The following KLHL5 variants were observed in gnomAD, a reference collection of about 807,000 sequenced individuals.
The protein encoded by KLHL5 is kelch like family member 5.
In KLHL5, 48 loss-of-function variants were observed where a neutral mutation model predicts 77.7. That is an observed-to-expected ratio of 0.62 (90% confidence interval 0.49 to 0.79). KLHL5 has a LOEUF of 0.79. Among genes scored for constraint, KLHL5 ranks in the 30% least tolerant of loss-of-function variants. The pLI is 0.00. For missense variants in KLHL5, 723 were observed against 859.7 expected (o/e 0.84, Z 1.99); for synonymous variants, 260 against 297.0 (o/e 0.88, Z 1.28).
the KLHL5 span, chr4:39,134,181 G>A: frequency 1.3e-5 from 2 of 152,222 alleles, no homozygotes; most frequent in Non-Finnish European, 2.9e-5. Flanking sequence ...CTCTGAGAAA[G>A]TTTTCTCTGG....
rs1723392198 is a variant in KLHL5 at position 39,124,269 on chromosome 4, T to C, written c.*3203T>C. On this transcript the variant is annotated 3_prime_UTR_variant, in exon 11 of 11. Transcript: ENST00000504108. ...TCTATAGATTTAATACAATCCCCAT[T>C]AAAATTCCAGTGACCCTTTTACAGA... Among the ~76,000 whole-genome samples the C allele has an allele frequency of 6.6e-6, 1 of 152,160 alleles. No individual in the cohort carries two copies. The highest frequency in any genetic ancestry group is 6.5e-5 in the Admixed American group (1 of 15,274).
At chr4:39,061,485 T>A (rs1313523626), upstream of KLHL5, among the ~76,000 whole-genome samples, 1 of 152,204 alleles carries the variant, frequency 6.6e-6, no homozygotes, top group Non-Finnish European at 1.5e-5. Flanking sequence ...ATTTTGGGGG[T>A]TAGGAACCAA....
chr4:39,107,687 G>A lies in KLHL5; in HGVS notation c.1644G>A (p.Met548Ile), dbSNP rs372279307. 51 of 1,612,800 alleles carry A rather than the reference G, an allele frequency of 3.2e-5. No homozygotes were observed. Among genetic ancestry groups the A allele is most frequent in the Non-Finnish European group, 4.2e-5 (49 of 1,179,204 alleles). Residue 548 changes from methionine (M) to isoleucine (I), a missense_variant, in exon 8 of 11, where the codon ATG becomes ATA. Met to Ile is a conservative substitution (Grantham distance 10). Transcript: ENST00000504108. ...QARQWNFVAT[M>I]STPRSTVGVA... is the part of the protein sequence containing the mutation. ...GCCAGTGGAATTTTGTTGCCACTAT[G>A]TCTACCCCTAGGAGTACAGTAGGTG...
chr4:39,104,556 G>A (rs1007873682), intron 7 of KLHL5, among the ~76,000 whole-genome samples: 1 of 152,192 alleles, frequency 6.6e-6, no homozygotes, highest in African/African-American at 2.4e-5. Context: ...GTTTCGTGCA[G>A]ATGACATTGT....
chr4:39,044,963 G>A (rs769307174), upstream of KLHL5: 1 of 833,428 alleles, frequency 1.2e-6, no homozygotes, highest in African/African-American at 6.3e-5. Flanking sequence ...GAGGCTGCCC[G>A]GACAGGGTCT....
At chr4:39,076,492 A>T (rs1719055910) in intron 2 of KLHL5, among the ~76,000 whole-genome samples, 1 of 152,204 alleles carries the variant, frequency 6.6e-6, no homozygotes, top group Non-Finnish European at 1.5e-5. Context: ...TATTTAGAAG[A>T]AGAAAAGCTG....
At chr4:39,065,597 G>A (rs1000863863) in intron 1 of KLHL5, among the ~76,000 whole-genome samples, 8 of 151,940 alleles carry the variant, frequency 5.3e-5, no homozygotes, top group Non-Finnish European at 1.0e-4. Flanking sequence ...CAAGTGATCC[G>A]CCCACGTCCG....
chr4:39,076,127 T>C lies in KLHL5; in HGVS notation c.546T>C (p.Asp182=), dbSNP rs1719012722. The C allele has an allele frequency of 6.2e-7, 1 of 1,604,124 alleles. No homozygotes were observed. Among genetic ancestry groups the C allele is most frequent in the African/African-American group, 1.3e-5 (1 of 74,262 alleles). ...QLCDVILVAG[D]RRIPAHRLVL... ...GTGATGTAATTTTAGTCGCTGGTGA[T>C]CGCAGAATTCCAGCTCACAGGTAGT... The change falls in exon 2 of 11, where the codon GAT becomes GAC. Residue 182 remains aspartate (D), a synonymous_variant. Transcript: ENST00000504108.
intron 4 of KLHL5, among the ~76,000 whole-genome samples, 182 bp downstream of exon 4, chr4:39,082,341 G>T (rs570560910): frequency 6.6e-6 from 1 of 152,140 alleles, no homozygotes; most frequent in Admixed American, 6.6e-5. Context: ...AATACTTCTC[G>T]TGGGTATCTG....
At chr4:39,058,156 G>T (rs1364300156), upstream of KLHL5, among the ~76,000 whole-genome samples, 2 of 152,014 alleles carry the variant, frequency 1.3e-5, no homozygotes, top group Admixed American at 6.6e-5. Flanking sequence ...ATAAAGCAAG[G>T]TTATAAAATT....
chr4:39,110,477 G>T (rs978642882), intron 8 of KLHL5, among the ~76,000 whole-genome samples: 1 of 151,846 alleles, frequency 6.6e-6, no homozygotes, highest in African/African-American at 2.4e-5. Flanking sequence ...TTTTACTTTT[G>T]AGACAGGGTC....
At chr4:39,088,427 T>C (rs1720240122) in intron 5 of KLHL5, among the ~76,000 whole-genome samples, 1 of 152,170 alleles carries the variant, frequency 6.6e-6, no homozygotes, top group Admixed American at 6.5e-5. Context: ...TCTTTCTGCA[T>C]TGTAGTTTTA....
intron 5 of KLHL5, among the ~76,000 whole-genome samples, chr4:39,087,241 A>G (rs975657213): frequency 6.6e-6 from 1 of 152,160 alleles, no homozygotes; most frequent in African/African-American, 2.4e-5. Flanking sequence ...ATTTTGGGTT[A>G]GTAACTTAAT....
the KLHL5 span, among the ~76,000 whole-genome samples, chr4:39,138,695 A>G: frequency 4.6e-5 from 7 of 152,038 alleles, no homozygotes. Flanking sequence ...TGTACAAGAA[A>G]CCTCCATGAC....
intron 8 of KLHL5, among the ~76,000 whole-genome samples, chr4:39,108,855 C>T (rs1033723879): frequency 4.6e-5 from 7 of 152,238 alleles, no homozygotes; most frequent in South Asian, 4.1e-4. Context: ...TATTTCTTAG[C>T]CCTTATTTCT....
intron 1 of KLHL5, among the ~76,000 whole-genome samples, chr4:39,066,676 T>C (rs896370616): frequency 2.0e-5 from 3 of 152,188 alleles, no homozygotes; most frequent in African/African-American, 7.2e-5. Flanking sequence ...CCATCATAAG[T>C]TAAGGAGCAT....
At chr4:39,092,105 T>C (rs950213021) in intron 5 of KLHL5, among the ~76,000 whole-genome samples, 9 of 152,238 alleles carry the variant, frequency 5.9e-5, no homozygotes, top group Middle Eastern at 3.4e-3. Context: ...AGGATAAAAA[T>C]TTACAAAATG....
rs1723519265 is a variant in KLHL5, at chr4:39,126,000, A to G, written c.*4934A>G. On this transcript the variant is annotated 3_prime_UTR_variant, in exon 11 of 11. Coordinates refer to ENST00000504108, the MANE Select transcript of KLHL5 (RefSeq NM_015990.5). ...ATAAATGAATTTCTAAAAATCTAAC[A>G]GAAAGGCTCTTAAATCTTAATTTCA... Among the ~76,000 whole-genome samples, 1 of 152,224 alleles carries G rather than the reference A, an allele frequency of 6.6e-6. No individual in the cohort carries two copies. The highest frequency in any genetic ancestry group is 1.5e-5 in the Non-Finnish European group (1 of 68,040).
intron 6 of KLHL5, among the ~76,000 whole-genome samples, chr4:39,097,837 A>T (rs1203229478): frequency 6.6e-6 from 1 of 152,220 alleles, no homozygotes; most frequent in African/African-American, 2.4e-5. Flanking sequence ...CATTGTATAA[A>T]TGTTAATTTC....
Sources: gnomAD v4.1 joint callset for allele counts (sites outside exome capture counted in the v4.1 genomes callset) on GRCh38, gnomAD v4.1.1 for gene constraint, MANE v1.5 for transcripts, NCBI Gene and HGNC (gene_info 2026-07-23, HGNC 2026-07-21) for gene names.